PRCP: variants seen among roughly 807,000 people sequenced by gnomAD.
PRCP encodes prolylcarboxypeptidase, also known as lysosomal Pro-X carboxypeptidase.
PRCP carries 46 observed loss-of-function variants against 54.2 expected under a neutral mutation model. That is an observed-to-expected ratio of 0.85 (90% CI 0.67 to 1.09). The LOEUF is 1.09. Among genes scored for constraint, PRCP ranks in the 50% least tolerant of loss-of-function variants. The pLI, the probability that PRCP is intolerant of heterozygous loss-of-function variation, is 0.00. For synonymous variants in PRCP, 240 were observed against 212.2 expected, an observed-to-expected ratio of 1.13 and a Z score of -1.14; for missense variants, 613 against 596.8, an observed-to-expected ratio of 1.03 and a Z score of -0.28.
chr11:82,826,843 T>G (rs1364356954), intron 8 of PRCP: 1 of 152,230 alleles, frequency 6.6e-6, no homozygotes, highest in Non-Finnish European at 1.5e-5. Context: ...TCTCTTAACT[T>G]GTGTGTTGTA....
At chr11:82,828,899 C>T (rs1002373132) in intron 8 of PRCP, 1 of 152,160 alleles carries the variant, frequency 6.6e-6, no homozygotes, top group African/African-American at 2.4e-5. Context: ...TCTATCCTTT[C>T]CATTGTTCAG....
At chr11:82,865,471 C>G (rs1276662156) in intron 1 of PRCP, among the ~76,000 whole-genome samples, 5 of 152,222 alleles carry the variant, frequency 3.3e-5, no homozygotes, top group Admixed American at 6.5e-5. Context: ...CATTAGGCCA[C>G]TGATAAAACC....
chr11:82,890,157 A>G (rs1454938264), intron 1 of PRCP, among the ~76,000 whole-genome samples: 2 of 152,234 alleles, frequency 1.3e-5, no homozygotes, highest in South Asian at 2.1e-4. Flanking sequence ...ACTAACTTAC[A>G]TAACAGTTAC....
At chr11:82,847,064 A>T in intron 6 of PRCP, among the ~76,000 whole-genome samples, 1 of 152,230 alleles carries the variant, frequency 6.6e-6, no homozygotes, top group East Asian at 1.9e-4. Flanking sequence ...AGTAATTGTG[A>T]CAGAAACTAT....
chr11:82,830,964 T>C (rs1858364980), intron 8 of PRCP: 1 of 146,444 alleles, frequency 6.8e-6, no homozygotes, highest in African/African-American at 2.5e-5. Flanking sequence ...TTGGAGTTGC[T>C]GAGAGACCTA....
intron 1 of PRCP, among the ~76,000 whole-genome samples, chr11:82,867,807 C>A (rs1256168551): frequency 1.3e-5 from 2 of 152,048 alleles, no homozygotes; most frequent in African/African-American, 2.4e-5. Context: ...ACTGCAGCCT[C>A]GAACTCCTGG....
rs1332071552 is a variant in PRCP, at chr11:82,873,250, A to G, written c.169-13133T>C. 1.3e-5 allele frequency among the ~76,000 whole-genome samples: 2 copies of G among 152,202 alleles called. 1 individual carries two copies. Among genetic ancestry groups the G allele is most frequent in the East Asian group, 3.8e-4 (2 of 5,204 alleles). ...CAAAGTCATAATACACCCCAGAAAG[A>G]TCTCAATGAAGAAGGACTCAATATA... is the stretch of plus-strand genomic sequence containing the variant. On this transcript the variant is annotated intron_variant, in intron 1 of 8. Transcript: ENST00000313010.
intron 1 of PRCP, among the ~76,000 whole-genome samples, chr11:82,861,992 G>A (rs762995783): frequency 1.8e-4 from 28 of 151,806 alleles, no homozygotes; most frequent in Non-Finnish European, 3.4e-4. Flanking sequence ...ATACTCAAGG[G>A]AAAGGCTCAT....
intron 1 of PRCP, among the ~76,000 whole-genome samples, chr11:82,899,039 T>C (rs964702720): frequency 6.6e-6 from 1 of 152,276 alleles, no homozygotes; most frequent in African/African-American, 2.4e-5. Flanking sequence ...GTCTATGACA[T>C]CCCTCTACCA....
chr11:82,853,188 T>C lies in PRCP; in HGVS notation c.400A>G (p.Asn134Asp). ...YYGESLPFGD[N>D]SFKDSRHLNF... The stretch of plus-strand genomic sequence containing the variant: ...AAAAGTATCTTTACCTTGAATGAGT[T>C]GTCACCAAAGGGGAGAGACTCTCCA... Residue 134 changes from asparagine (N) to aspartate (D), a missense_variant, in exon 3 of 9, where the codon AAC becomes GAC. Coordinates refer to ENST00000313010, the MANE Select transcript of PRCP (RefSeq NM_005040.4). 6.3e-7 allele frequency: 1 copy of C among 1,599,994 alleles called. No individual in the cohort carries two copies.
chr11:82,887,099 T>C (rs1257704699), intron 1 of PRCP, among the ~76,000 whole-genome samples: 2 of 152,216 alleles, frequency 1.3e-5, no homozygotes, highest in African/African-American at 4.8e-5. Flanking sequence ...TTGTACATGA[T>C]ATACCTTCTA....
At chr11:82,859,331 G>A (rs1251468192) in intron 2 of PRCP, among the ~76,000 whole-genome samples, 1 of 152,140 alleles carries the variant, frequency 6.6e-6, no homozygotes, top group Non-Finnish European at 1.5e-5. Context: ...AAACTAAAAT[G>A]TAACTACAAC....
Position 82,839,283 on chromosome 11 carries a change from C to T in PRCP, c.1064G>A (p.Gly355Glu), listed in dbSNP as rs577429681. The change falls in exon 7 of 9, where the codon GGA becomes GAA. Residue 355 changes from glycine to glutamate, a missense_variant. Coordinates refer to ENST00000313010, the MANE Select transcript of PRCP (RefSeq NM_005040.4). ...TACCTGATAGCTCCAACCCAGTGTT[C>T]CCAGACTGCTAGTTGCTGTCTCTGA... ...NISETATSSL[G>E]TLGWSYQACT... is the part of the protein sequence containing the mutation. The T allele has an allele frequency of 6.2e-7, 1 of 1,613,762 alleles. No individual in the cohort carries two copies. The highest frequency in any genetic ancestry group is 1.3e-5 in the African/African-American group (1 of 74,998).
At chr11:82,830,222 G>T (rs1858343817) in intron 8 of PRCP, 1 of 151,932 alleles carries the variant, frequency 6.6e-6, no homozygotes, top group South Asian at 2.1e-4. Flanking sequence ...AGCATAATAA[G>T]TATTACCACC....
intron 2 of PRCP, among the ~76,000 whole-genome samples, chr11:82,859,094 G>A (rs1859153880): frequency 6.6e-6 from 1 of 152,138 alleles, no homozygotes; most frequent in Non-Finnish European, 1.5e-5. Context: ...CCACTTTAAG[G>A]TAGTTCACAA....
chr11:82,872,025 A>G (rs1206502860), intron 1 of PRCP, among the ~76,000 whole-genome samples: 1 of 152,224 alleles, frequency 6.6e-6, no homozygotes, highest in Non-Finnish European at 1.5e-5. Flanking sequence ...GTACAACAAG[A>G]TATTTTGAGA....
intron 1 of PRCP, among the ~76,000 whole-genome samples, chr11:82,875,759 G>T (rs1476816067): frequency 1.3e-5 from 2 of 152,156 alleles, no homozygotes; most frequent in Non-Finnish European, 2.9e-5. Flanking sequence ...CAGCAAAGAG[G>T]AGGCACAACC....
chr11:82,896,614 T>C (rs2374347), intron 1 of PRCP, among the ~76,000 whole-genome samples: 74,317 of 146,266 alleles, frequency 0.51, 19,156 homozygotes, highest in African/African-American at 0.62. Flanking sequence ...AGGAGGCAGA[T>C]GTTGCAGTGA....
chr11:82,836,539 T>TG (rs1858530430), intron 8 of PRCP: 3 of 153,358 alleles, frequency 2.0e-5, no homozygotes, highest in Admixed American at 6.5e-5. Context: ...TTTATGGTTT[T>TG]TGGGGAGTTT....
Sources: allele counts gnomAD v4.1 joint callset (sites outside exome capture counted in the v4.1 genomes callset), GRCh38; gene constraint gnomAD v4.1.1; transcripts MANE v1.5; gene names NCBI Gene and HGNC (gene_info 2026-07-23, HGNC 2026-07-21).